The following MTERF4 variants were observed in gnomAD, a reference collection of about 807,000 sequenced individuals.
The protein encoded by MTERF4 is transcription termination factor 4, mitochondrial.
MTERF4 carries 17 observed loss-of-function variants against 22.5 expected under a neutral mutation model. The ratio of observed to expected loss-of-function variants is 0.75; its 90% confidence interval spans 0.52 to 1.13. MTERF4 has a LOEUF of 1.13. Ranked by LOEUF, MTERF4 falls within the 50% of genes most tolerant of loss-of-function variation. The pLI is 0.00. For missense variants in MTERF4, 420 were observed against 466.8 expected (o/e 0.90, Z 0.92); for synonymous variants, 165 against 175.3 (o/e 0.94, Z 0.47).
At chr2:241,099,954 A>AT in intron 1 of MTERF4, 60 bp from the exon 2 acceptor site, 1 of 1,551,880 alleles carries the variant, frequency 6.4e-7, no homozygotes, top group Non-Finnish European at 8.7e-7. Flanking sequence ...AATGGACACC[A>AT]TAAGACTTCT....
chr2:241,043,932 TAAG>T, the MTERF4 span, among the ~76,000 whole-genome samples: 3 of 152,178 alleles, frequency 2.0e-5, no homozygotes, highest in Non-Finnish European at 2.9e-5. Context: ...ATGTAAAAGA[TAAG>T]AAGAAATGGA....
At chr2:241,052,365 C>T in the MTERF4 span, 2 of 1,575,582 alleles carry the variant, frequency 1.3e-6, no homozygotes, top group African/African-American at 1.3e-5. Flanking sequence ...CCCCCTCCCC[C>T]TGCTTCCGGA....
downstream of MTERF4, among the ~76,000 whole-genome samples, chr2:241,085,078 T>C (rs145149384): frequency 1.3e-5 from 2 of 152,346 alleles, no homozygotes; most frequent in African/African-American, 4.8e-5. Context: ...GACAATTTAA[T>C]TATGATGTGC....
At chr2:241,049,161 T>A in the MTERF4 span, 3 of 1,579,088 alleles carry the variant, frequency 1.9e-6, no homozygotes, top group Non-Finnish European at 2.6e-6. Context: ...ACGAGCCTGC[T>A]GGGCCGGGGG....
At chr2:241,100,719 G>A (rs943353134) in intron 1 of MTERF4, among the ~76,000 whole-genome samples, 1 of 150,156 alleles carries the variant, frequency 6.7e-6, no homozygotes, top group African/African-American at 2.5e-5. Context: ...AATACAGAAT[G>A]CAATATATAT....
chr2:241,095,977 G>C lies in MTERF4; in HGVS notation c.*21C>G. ...TTCCTTGATATCTCTGGGCCCTTTC[G>C]CTCTAGTCCTTCCATCACAGCTATT... On this transcript the variant is annotated 3_prime_UTR_variant, in exon 4 of 4. Transcript: ENST00000391980. The C allele has an allele frequency of 6.2e-7, 1 of 1,610,500 alleles. No homozygotes were observed. The highest frequency in any genetic ancestry group is 8.5e-7 in the Non-Finnish European group (1 of 1,177,674).
intron 4 of MTERF4, chr2:241,081,835 C>A: frequency 2.1e-6 from 3 of 1,426,016 alleles, no homozygotes; most frequent in Non-Finnish European, 1.9e-6. Flanking sequence ...TCCAACACAG[C>A]CTGTGCCTCA....
Position 241,096,147 on chromosome 2 carries a change from C to T in MTERF4, c.997G>A (p.Asp333Asn). The T allele has an allele frequency of 6.2e-7, 1 of 1,614,150 alleles. No homozygotes were observed. The highest frequency in any genetic ancestry group is 8.5e-7 in the Non-Finnish European group (1 of 1,180,036). Residue 333 changes from aspartate to asparagine, a missense_variant, in exon 4 of 4, where the codon GAT becomes AAT. By Grantham distance (23) the Asp-to-Asn change is conservative. Transcript: ENST00000391980. The surrounding 1 kb of genome is among the most constrained non-coding windows in gnomAD (Gnocchi z 5.1). The part of the protein sequence containing the change: ...EEEESESSTS[D>N]DKRASLDEDE... ...TCATCCAGACTTGCCCTTTTGTCAT[C>T]AGATGTGCTGCTCTCAGACTCCTCC...
At position 241,074,671 on chromosome 2, in the gene MTERF4, G is replaced by A. The variant is rs2062937476; in HGVS notation, n.1491C>T. The A allele has an allele frequency of 4.6e-5, 7 of 152,180 alleles. No individual in the cohort carries two copies. In the South Asian group the frequency reaches 1.4e-3, roughly 32 times the overall value. 9.4% of individuals were successfully genotyped at this position (152,180 alleles called of 1,614,324 possible). ...CCTGGTGGGTGCAAAATGATTTTAA[G>A]TGATAACATGAAAAGTAGACTCTTT... On this transcript the variant is annotated non_coding_transcript_exon_variant, in exon 5 of 5. Coordinates refer to the MTERF4 transcript ENST00000464344.
At chr2:241,065,173 G>T in the MTERF4 span, 1 of 1,011,664 alleles carries the variant, frequency 9.9e-7, no homozygotes, top group Non-Finnish European at 1.4e-6. Flanking sequence ...GGACAAAGAA[G>T]GACTCTGCCA....
chr2:241,074,323 G>C (rs2062908873), exon 5 of MTERF4: 1 of 151,470 alleles, frequency 6.6e-6, no homozygotes, highest in Admixed American at 6.6e-5. Context: ...GTCTGGACTT[G>C]CTGCTAGCCC....
rs1449941289 is a variant in MTERF4, at chr2:241,073,433, G to A, written n.2729C>T. The A allele has an allele frequency of 1.7e-5, 23 of 1,328,204 alleles. No homozygotes were observed. The highest frequency in any genetic ancestry group is 2.3e-5 in the Non-Finnish European group (22 of 944,134). The allele number at this position is 1,328,204 out of a possible 1,614,324, so 82.3% of individuals were successfully genotyped here. The stretch of plus-strand genomic sequence containing the variant: ...CTCTCAGGGGCCTTAGAGGCTGCAG[G>A]CAGGAGGGACCACCCACGGTGAGGA... On this transcript the variant is annotated non_coding_transcript_exon_variant, in exon 5 of 5. Coordinates refer to the MTERF4 transcript ENST00000464344. This position sits in a 1 kb window ranked among gnomAD's most constrained non-coding sequence, Gnocchi z 6.6.
In MTERF4 at chr2:241,096,691, C is replaced by A; in HGVS notation, c.706-253G>T. 1 of 669,786 alleles carries A rather than the reference C, an allele frequency of 1.5e-6. No homozygotes were observed. The highest frequency in any genetic ancestry group is 3.0e-5 in the East Asian group (1 of 33,094). 41.5% of individuals were successfully genotyped at this position (669,786 alleles called of 1,614,324 possible). A position where few individuals can be genotyped will look rare whatever the true frequency, so the allele number is the denominator to read the frequency against. On this transcript the variant is annotated intron_variant, in intron 3 of 3. Transcript: ENST00000391980. This position sits in a 1 kb window ranked among gnomAD's most constrained non-coding sequence, Gnocchi z 5.1. ...GAAAAGGGGCAGGAGGGAGAAGGGGCAGAAGGAAGAGGTGGTATTTTTCTT... is the reference window on the plus strand; with the variant it reads ...GAAAAGGGGCAGGAGGGAGAAGGGGAAGAAGGAAGAGGTGGTATTTTTCTT...
chr2:241,094,455 G>C, downstream of MTERF4: 1 of 469,456 alleles, frequency 2.1e-6, no homozygotes, highest in African/African-American at 2.0e-5. The surrounding 1 kb of genome is among the most constrained non-coding windows in gnomAD (Gnocchi z 4.3). Flanking sequence ...AAAGCACCTA[G>C]ATTTCAGTGC....
chr2:241,064,260 G>A, the MTERF4 span: 1 of 626,106 alleles, frequency 1.6e-6, no homozygotes, highest in Non-Finnish European at 2.7e-6. The surrounding 1 kb of genome is among the most constrained non-coding windows in gnomAD (Gnocchi z 7.0). Context: ...CCGCCGCCTT[G>A]GAAGTCCCCT....
chr2:241,082,159 G>T, downstream of MTERF4: 1 of 757,998 alleles, frequency 1.3e-6, no homozygotes. Flanking sequence ...CCACCATCCC[G>T]CCTTGGAGGA....
chr2:241,054,660 A>G, the MTERF4 span, among the ~76,000 whole-genome samples: 2 of 152,272 alleles, frequency 1.3e-5, no homozygotes, highest in Non-Finnish European at 2.9e-5. Flanking sequence ...AGGATCGATA[A>G]ATTATTTTAA....
the MTERF4 span, chr2:241,051,802 G>T: frequency 6.4e-7 from 1 of 1,561,450 alleles, no homozygotes; most frequent in Non-Finnish European, 8.7e-7. This position sits in a 1 kb window ranked among gnomAD's most constrained non-coding sequence, Gnocchi z 4.7. Context: ...GCAAGGAGGC[G>T]GGCGGCGAGT....
chr2:241,085,530 G>T (rs1446869710), downstream of MTERF4, among the ~76,000 whole-genome samples: 2 of 151,812 alleles, frequency 1.3e-5, no homozygotes, highest in Non-Finnish European at 1.5e-5. Context: ...ATATTTTAAG[G>T]TCCTCATCTG....
Sources: gnomAD v4.1 joint callset for allele counts (sites outside exome capture counted in the v4.1 genomes callset) on GRCh38, gnomAD v4.1.1 for gene constraint, Gnocchi (gnomAD v3.1) non-coding constraint, MANE v1.5 for transcripts, NCBI Gene and HGNC (gene_info 2026-07-23, HGNC 2026-07-21) for gene names.